The following JAK2 variants were observed in gnomAD, a reference collection of about 807,000 sequenced individuals.
The protein encoded by JAK2 is Janus kinase 2, also known as tyrosine-protein kinase JAK2.
In JAK2, 86 loss-of-function variants were observed where a neutral mutation model predicts 139.3. The ratio of observed to expected loss-of-function variants is 0.62; its 90% confidence interval spans 0.52 to 0.74. JAK2 has a LOEUF of 0.74. Ranked by LOEUF, JAK2 falls within the 30% of genes least tolerant of loss-of-function variation. JAK2 has a pLI of 0.00. For missense variants in JAK2, 1,421 were observed against 1,360.3 expected (o/e 1.04, Z -0.70); for synonymous variants, 490 against 437.7 (o/e 1.12, Z -1.49).
intron 5 of JAK2, among the ~76,000 whole-genome samples, chr9:5,049,186 C>T (rs568693876): frequency 1.2e-3 from 184 of 152,206 alleles, no homozygotes; most frequent in Non-Finnish European, 2.3e-3. Flanking sequence ...AAAGAGCCTC[C>T]GTAAATACAC....
chr9:5,023,865 T>C (rs1167767313), intron 3 of JAK2, among the ~76,000 whole-genome samples: 3 of 150,366 alleles, frequency 2.0e-5, no homozygotes, highest in Non-Finnish European at 4.5e-5. Flanking sequence ...TCTGATCCTT[T>C]AGCTTATAGT....
At chr9:5,007,659 A>C (rs1821395688) in intron 2 of JAK2, among the ~76,000 whole-genome samples, 2 of 151,980 alleles carry the variant, frequency 1.3e-5, no homozygotes, top group South Asian at 4.1e-4. Context: ...TCATACTTTA[A>C]TGGCAAAAAC....
intron 4 of JAK2, chr9:5,040,952 A>C: frequency 1.3e-5 from 6 of 474,272 alleles, no homozygotes; most frequent in South Asian, 1.1e-4. Context: ...CAAGGAAAGA[A>C]TCTCTATACA....
intron 2 of JAK2, among the ~76,000 whole-genome samples, chr9:4,994,787 G>A (rs1371389696): frequency 6.6e-6 from 1 of 152,070 alleles, no homozygotes; most frequent in African/African-American, 2.4e-5. Context: ...TTCAAGCTAT[G>A]GCCCCATTTT....
chr9:5,112,670 G>C, intron 22 of JAK2: 1 of 953,032 alleles, frequency 1.0e-6, no homozygotes, highest in Non-Finnish European at 1.5e-6. Context: ...CCTGCACCAG[G>C]CCGTCTCGGT....
rs1421362322 is a variant in JAK2, at chr9:5,128,122, T to C, written c.*1331T>C. 4.4e-6 allele frequency: 1 copy of C among 226,476 alleles called. No homozygotes were observed. The highest frequency in any genetic ancestry group is 8.6e-6 in the Non-Finnish European group (1 of 116,596). The allele number at this position is 226,476 out of a possible 1,614,324, so 14.0% of individuals were successfully genotyped here. ...TGTGTGTGTGTGTGTGTGTGTGTGTTATTTATACAAAACTTAAAATACTTG... is the reference window on the plus strand; with the variant it reads ...TGTGTGTGTGTGTGTGTGTGTGTGTCATTTATACAAAACTTAAAATACTTG... On this transcript the variant is annotated 3_prime_UTR_variant, in exon 25 of 25. Transcript: ENST00000381652.
intron 3 of JAK2, among the ~76,000 whole-genome samples, chr9:5,025,538 C>CT (rs34901657): frequency 0.12 from 17,195 of 140,242 alleles, 2,431 homozygotes; most frequent in African/African-American, 0.34. Context: ...AGTTTGTTTC[C>CT]TTTTTTTTTT....
intron 22 of JAK2, among the ~76,000 whole-genome samples, chr9:5,113,172 T>C (rs1586822197): frequency 6.8e-6 from 1 of 147,296 alleles, no homozygotes; most frequent in East Asian, 2.0e-4. Context: ...CTTGGCCCTG[T>C]TGTCTGGGCT....
In JAK2 at chr9:5,127,803, T is replaced by TAAAG. The variant is rs1824095696; in HGVS notation, c.*1014_*1017dup. ...GTGCAGCAGGTTAAGAATTTTTTCC[T>TAAAG]AAAGACTGTATATTTGAGGGGTTTC... On this transcript the variant is annotated 3_prime_UTR_variant, in exon 25 of 25. Transcript: ENST00000381652. The TAAAG allele has an allele frequency of 4.3e-6, 1 of 232,522 alleles. No individual in the cohort carries two copies. Among genetic ancestry groups the TAAAG allele is most frequent in the African/African-American group, 2.2e-5 (1 of 45,268 alleles). The allele number at this position is 232,522 out of a possible 1,614,324, so 14.4% of individuals were successfully genotyped here. A position where few individuals can be genotyped will look rare whatever the true frequency, so the allele number is the denominator to read the frequency against.
At chr9:5,085,414 C>CG in intron 19 of JAK2, 1 of 767,102 alleles carries the variant, frequency 1.3e-6, no homozygotes, top group Non-Finnish European at 2.4e-6. Context: ...GACTGCTTTA[C>CG]AACTGTTGGC....
intron 4 of JAK2, among the ~76,000 whole-genome samples, chr9:5,034,250 A>G (rs191620099): frequency 9.2e-5 from 14 of 152,330 alleles, no homozygotes; most frequent in Admixed American, 2.0e-4. Flanking sequence ...GCAAGTCCTT[A>G]GAGACCTACA....
At chr9:5,041,180 C>T in intron 4 of JAK2, 6 of 1,335,690 alleles carry the variant, frequency 4.5e-6, no homozygotes, top group Non-Finnish European at 6.3e-6. Context: ...CACCAAGAAC[C>T]TCATTTACCA....
intron 2 of JAK2, among the ~76,000 whole-genome samples, chr9:4,996,168 A>G (rs1820547075): frequency 6.6e-6 from 1 of 152,200 alleles, no homozygotes; most frequent in South Asian, 2.1e-4. Context: ...ACAACTTATT[A>G]TTTTAGAGGG....
At chr9:5,042,561 T>G (rs1429762059) in intron 4 of JAK2, among the ~76,000 whole-genome samples, 2 of 152,022 alleles carry the variant, frequency 1.3e-5, no homozygotes, top group Non-Finnish European at 2.9e-5. Flanking sequence ...ATTACTTTGC[T>G]GAAGTGAGTA....
rs1415418924 is a variant in JAK2, at chr9:5,126,410, T to C, written c.3255T>C (p.Asn1085=). ...VFHLIELLKN[N]GRLPRPDGCP... is the part of the protein sequence containing the mutation. ...ATTTGATAGAACTTTTGAAGAATAA[T>C]GGAAGATTACCAAGACCAGATGGAT... Residue 1085 remains asparagine (N), a synonymous_variant, in exon 24 of 25, where the codon AAT becomes AAC. Transcript: ENST00000381652. The C allele has an allele frequency of 2.5e-6, 4 of 1,610,734 alleles. No homozygotes were observed. The highest frequency in any genetic ancestry group is 2.2e-5 in the South Asian group (2 of 90,840).
intron 5 of JAK2, among the ~76,000 whole-genome samples, chr9:5,049,031 A>G (rs1444711147): frequency 6.6e-6 from 1 of 152,200 alleles, no homozygotes; most frequent in African/African-American, 2.4e-5. Flanking sequence ...TCAAAATCGT[A>G]GAACCTCTGT....
intron 22 of JAK2, among the ~76,000 whole-genome samples, chr9:5,106,620 A>G (rs1821976260): frequency 6.6e-6 from 1 of 152,242 alleles, no homozygotes. Flanking sequence ...CTGTGGCACT[A>G]TTCACAATAG....
chr9:5,038,722 C>T (rs1189966721), intron 4 of JAK2, among the ~76,000 whole-genome samples: 2 of 151,560 alleles, frequency 1.3e-5, no homozygotes, highest in East Asian at 3.9e-4. Context: ...GGTTAGCGCT[C>T]TAAAGGTTTT....
chr9:4,998,559 A>C (rs1415424958), intron 2 of JAK2, among the ~76,000 whole-genome samples: 1 of 150,812 alleles, frequency 6.6e-6, no homozygotes, highest in Admixed American at 6.6e-5. Flanking sequence ...CCGGCCAAAA[A>C]CTCCAACTTT....
Sources: gnomAD v4.1 joint callset for allele counts (sites outside exome capture counted in the v4.1 genomes callset) on GRCh38, gnomAD v4.1.1 for gene constraint, MANE v1.5 for transcripts, NCBI Gene and HGNC (gene_info 2026-07-23, HGNC 2026-07-21) for gene names.